AKAP13: variants seen among roughly 807,000 people sequenced by gnomAD.
The protein encoded by AKAP13 is A-kinase anchoring protein 13, also known as A-kinase anchor protein 13.
Under a neutral mutation model 264.5 loss-of-function variants are expected in AKAP13, and 80 were observed. The ratio of observed to expected loss-of-function variants is 0.30; its 90% confidence interval spans 0.25 to 0.36. AKAP13 has a LOEUF of 0.36. AKAP13 is among the 10% of genes least tolerant of loss of function. The pLI, the probability that AKAP13 is intolerant of heterozygous loss-of-function variation, is 1.00. For synonymous variants in AKAP13, 1,380 were observed against 1,250.2 expected (o/e 1.10, Z -2.19); for missense variants, 3,712 against 3,435.2 (o/e 1.08, Z -2.01).
At chr15:85,679,551 CA>C (rs1329357092) in intron 14 of AKAP13, among the ~76,000 whole-genome samples, 1 of 152,116 alleles carries the variant, frequency 6.6e-6, no homozygotes, top group Non-Finnish European at 1.5e-5. Flanking sequence ...ATTTTCAAGG[CA>C]GTGTTCAATA....
intron 9 of AKAP13, among the ~76,000 whole-genome samples, chr15:85,645,281 G>A (rs560177865): frequency 7.2e-5 from 11 of 152,292 alleles, no homozygotes; most frequent in South Asian, 4.1e-4. Flanking sequence ...TTATTGAACC[G>A]AAAACATTCT....
At chr15:85,582,664 T>C (rs1462716558) in intron 7 of AKAP13, among the ~76,000 whole-genome samples, 1 of 152,056 alleles carries the variant, frequency 6.6e-6, no homozygotes, top group African/African-American at 2.4e-5. Flanking sequence ...TTTTGTTTGT[T>C]TGTTTTTGTT....
In AKAP13 at chr15:85,726,575, C is replaced by A. The variant is rs1597190180; in HGVS notation, c.6822+89C>A. On this transcript the variant is annotated intron_variant, in intron 27 of 36. Transcript: ENST00000394518. Reference sequence around the variant, plus strand: ...CACTATGTTATTGCTCTCCCCCGCCCTCTTAAAATTAAATGGCTCAGGACA... The same window carrying A: ...CACTATGTTATTGCTCTCCCCCGCCATCTTAAAATTAAATGGCTCAGGACA... The A allele has an allele frequency of 1.9e-5, 22 of 1,128,646 alleles. No individual in the cohort carries two copies. In the East Asian group the frequency reaches 5.1e-4, roughly 26 times the overall value. 69.9% of individuals were successfully genotyped at this position (1,128,646 alleles called of 1,614,324 possible).
At chr15:85,392,355 A>G (rs2070907588) in intron 1 of AKAP13, among the ~76,000 whole-genome samples, 1 of 147,292 alleles carries the variant, frequency 6.8e-6, no homozygotes, top group African/African-American at 2.5e-5. Context: ...CCCAGGTTCA[A>G]GTGATTCTCC....
rs759276033 is a variant in AKAP13, at chr15:85,579,829, G to C, written c.1761G>C (p.Val587=). ...ATGCTCCAGTAGATCAGAATTCTGT[G>C]GTGATTCCAGCTGCTGCAAAAGACA... ...SADAPVDQNS[V]VIPAAAKDKI... Residue 587 remains valine, a synonymous_variant, in exon 7 of 37, where the codon GTG becomes GTC. Coordinates refer to ENST00000394518, the MANE Select transcript of AKAP13 (RefSeq NM_007200.5). The C allele has an allele frequency of 1.7e-5, 28 of 1,614,046 alleles. No homozygotes were observed. The highest frequency in any genetic ancestry group is 2.3e-5 in the Non-Finnish European group (27 of 1,180,048).
At chr15:85,740,629 C>T in intron 34 of AKAP13, 1 of 328,624 alleles carries the variant, frequency 3.0e-6, no homozygotes, top group Non-Finnish European at 5.6e-6. Context: ...CCTAATACAG[C>T]TTCTGTTTCG....
In AKAP13 at chr15:85,581,109, C is replaced by T. The variant is rs2079135996; in HGVS notation, c.3041C>T (p.Ala1014Val). ...TCACTGCTGACTCAAGGTGGGGCTG[C>T]CCAGAGCCTGGTGCCACCAGGAGCA... ...QVSLLTQGGA[A>V]QSLVPPGASL... is the part of the protein sequence containing the mutation. The change falls in exon 7 of 37, where the codon GCC becomes GTC. Residue 1014 changes from alanine to valine, a missense_variant. Coordinates refer to ENST00000394518, the MANE Select transcript of AKAP13 (RefSeq NM_007200.5). 1 of 1,613,956 alleles carries T rather than the reference C, an allele frequency of 6.2e-7. No homozygotes were observed.
chr15:85,519,318 T>C (rs2076726241), intron 2 of AKAP13, among the ~76,000 whole-genome samples: 1 of 152,188 alleles, frequency 6.6e-6, no homozygotes, highest in African/African-American at 2.4e-5. Context: ...CTTTCTTCCC[T>C]AACCCTAACC....
At chr15:85,531,925 C>T (rs11073401) in intron 3 of AKAP13, among the ~76,000 whole-genome samples, 14,884 of 152,204 alleles carry the variant, frequency 0.098, 923 homozygotes, top group Admixed American at 0.2. Flanking sequence ...AACACATTGC[C>T]CTGTTTATAG....
intron 1 of AKAP13, among the ~76,000 whole-genome samples, chr15:85,394,415 A>T (rs1475493934): frequency 6.6e-6 from 1 of 152,174 alleles, no homozygotes; most frequent in Admixed American, 6.5e-5. Flanking sequence ...TAGTCCCTTA[A>T]ATGTGAATTG....
chr15:85,451,261 A>T (rs559723404), intron 1 of AKAP13, among the ~76,000 whole-genome samples: 1 of 152,204 alleles, frequency 6.6e-6, no homozygotes, highest in South Asian at 2.1e-4. Flanking sequence ...TGAGCCTAGG[A>T]GTTTCACTAT....
At chr15:85,470,067 C>T (rs2074903214) in intron 1 of AKAP13, among the ~76,000 whole-genome samples, 1 of 152,190 alleles carries the variant, frequency 6.6e-6, no homozygotes. Flanking sequence ...GTGGGTGGAT[C>T]ACCTGAGGTC....
At chr15:85,478,994 C>T (rs2075271186) in intron 1 of AKAP13, among the ~76,000 whole-genome samples, 1 of 152,156 alleles carries the variant, frequency 6.6e-6, no homozygotes, top group East Asian at 1.9e-4. Context: ...GTTCAAGAAT[C>T]GCTGCTTAAA....
At chr15:85,604,888 A>G (rs2080251948) in intron 8 of AKAP13, among the ~76,000 whole-genome samples, 1 of 152,208 alleles carries the variant, frequency 6.6e-6, no homozygotes, top group Non-Finnish European at 1.5e-5. Flanking sequence ...CTTCTTAACA[A>G]TAAACCATAT....
rs1401416364 is a variant in AKAP13 at position 85,749,215 on chromosome 15, T to C, written c.*4538T>C. The stretch of plus-strand genomic sequence containing the variant: ...GTGAAGCAGTTTTAAACTGTAAAGA[T>C]TTTTTTCAGTGTGTTTTCTCGAATT... On this transcript the variant is annotated 3_prime_UTR_variant, in exon 37 of 37. Transcript: ENST00000394518. 2.0e-5 allele frequency: 3 copies of C among 152,234 alleles called. No individual in the cohort carries two copies. Among genetic ancestry groups the C allele is most frequent in the Non-Finnish European group, 4.4e-5 (3 of 68,040 alleles). The allele number at this position is 152,234 out of a possible 1,614,324, so 9.4% of individuals were successfully genotyped here.
chr15:85,385,102 A>T (rs1017863694), intron 1 of AKAP13, among the ~76,000 whole-genome samples: 1 of 152,230 alleles, frequency 6.6e-6, no homozygotes, highest in Non-Finnish European at 1.5e-5. Flanking sequence ...AGAGTTGAGT[A>T]GTTACAACAG....
At chr15:85,648,451 C>A (rs983194133) in intron 10 of AKAP13, among the ~76,000 whole-genome samples, 1 of 151,998 alleles carries the variant, frequency 6.6e-6, no homozygotes, top group African/African-American at 2.4e-5. Flanking sequence ...TTCTATATTT[C>A]GCCGTCTTAT....
chr15:85,723,406 AT>A, intron 26 of AKAP13, 86 bp downstream of exon 26: 4 of 1,550,564 alleles, frequency 2.6e-6, no homozygotes, highest in Non-Finnish European at 2.6e-6. Flanking sequence ...TCACTACCAG[AT>A]TTTTTTCCCA....
At chr15:85,420,817 GACT>G (rs1379225163) in intron 1 of AKAP13, among the ~76,000 whole-genome samples, 2 of 152,012 alleles carry the variant, frequency 1.3e-5, no homozygotes, top group African/African-American at 4.8e-5. Flanking sequence ...AATTTAAAAG[GACT>G]ACATTAAAAA....
Sources: gnomAD v4.1 joint callset for allele counts (sites outside exome capture counted in the v4.1 genomes callset) on GRCh38, gnomAD v4.1.1 for gene constraint, MANE v1.5 for transcripts, NCBI Gene and HGNC (gene_info 2026-07-23, HGNC 2026-07-21) for gene names.